Variants in IQSEC1 observed in about 807,000 individuals in gnomAD.
IQSEC1 encodes the protein IQ motif and Sec7 domain ArfGEF 1.
IQSEC1 carries 31 observed loss-of-function variants against 91.0 expected under a neutral mutation model. The observed-to-expected ratio is 0.34, with a 90% CI of 0.26 to 0.46. The LOEUF (loss-of-function observed/expected upper bound fraction) is 0.46, where lower values mean the gene tolerates loss of function less well. Ranked by LOEUF, IQSEC1 falls within the 20% of genes least tolerant of loss-of-function variation. The probability of loss-of-function intolerance (pLI) is 1.00; values close to 1 mark genes in which losing one functional copy is unlikely to be tolerated. For synonymous variants in IQSEC1, 699 were observed against 662.6 expected (o/e 1.05, Z -0.84); for missense variants, 1,388 against 1,575.6 (o/e 0.88, Z 2.02).
At chr3:12,936,750 C>A (rs897896761) in intron 2 of IQSEC1, 53 bp from the exon 3 acceptor site, 2 of 1,458,746 alleles carry the variant, frequency 1.4e-6, no homozygotes, top group African/African-American at 2.8e-5. Flanking sequence ...CACAGTGCGA[C>A]ATTTACCAAA....
chr3:13,058,165 C>G (rs1468526999), intron 1 of IQSEC1, among the ~76,000 whole-genome samples: 3 of 152,144 alleles, frequency 2.0e-5, no homozygotes, highest in Admixed American at 6.5e-5. Context: ...CCCAGCAACT[C>G]AGGAGGCTGA....
At chr3:13,133,741 C>T (rs1292433601) in intron 2 of IQSEC1, among the ~76,000 whole-genome samples, 1 of 152,250 alleles carries the variant, frequency 6.6e-6, no homozygotes, top group African/African-American at 2.4e-5. Context: ...ATGCTTTAAA[C>T]TCTCTCCCCA....
At chr3:13,240,489 A>G (rs972684405) in intron 1 of IQSEC1, among the ~76,000 whole-genome samples, 5 of 152,224 alleles carry the variant, frequency 3.3e-5, no homozygotes, top group Non-Finnish European at 5.9e-5. Context: ...GAGGAACCCA[A>G]CAGCAAGGGA....
At chr3:13,023,499 G>A (rs1473841685) in intron 1 of IQSEC1, among the ~76,000 whole-genome samples, 8 of 152,198 alleles carry the variant, frequency 5.3e-5, no homozygotes, top group African/African-American at 1.9e-4. Flanking sequence ...AGGGCCCTGG[G>A]CATCATGTAT....
intron 2 of IQSEC1, among the ~76,000 whole-genome samples, chr3:13,082,879 C>A (rs1705668527): frequency 6.6e-6 from 1 of 152,230 alleles, no homozygotes; most frequent in East Asian, 1.9e-4. Flanking sequence ...CTCCCAAGCT[C>A]TTCCCGGCCC....
intron 1 of IQSEC1, among the ~76,000 whole-genome samples, chr3:12,978,310 C>T (rs1420159633): frequency 1.3e-5 from 2 of 152,188 alleles, no homozygotes; most frequent in Admixed American, 6.5e-5. Context: ...AAAGTGGGGT[C>T]CTAGAAACAG....
At chr3:13,281,834 C>A (rs2125162315) in intron 1 of IQSEC1, among the ~76,000 whole-genome samples, 1 of 152,342 alleles carries the variant, frequency 6.6e-6, no homozygotes, top group East Asian at 1.9e-4. Context: ...CCCGGGTGAT[C>A]CCGAAGACAG....
intron 1 of IQSEC1, among the ~76,000 whole-genome samples, chr3:13,176,913 C>T (rs551916531): frequency 1.2e-4 from 18 of 152,326 alleles, no homozygotes; most frequent in Non-Finnish European, 2.2e-4. Flanking sequence ...AGTACTGATA[C>T]ATACAAACAT....
chr3:13,263,491 G>T (rs1294440352), intron 1 of IQSEC1, among the ~76,000 whole-genome samples: 1 of 142,840 alleles, frequency 7.0e-6, no homozygotes, highest in South Asian at 2.2e-4. Flanking sequence ...CACCCAGGCT[G>T]AAGTGCAATG....
At chr3:13,216,431 A>G (rs1694552121) in intron 1 of IQSEC1, among the ~76,000 whole-genome samples, 1 of 152,132 alleles carries the variant, frequency 6.6e-6, no homozygotes, top group South Asian at 2.1e-4. Context: ...GACGGCTTAC[A>G]GAGGGCAGGT....
At chr3:13,244,732 G>T (rs1695079803) in intron 1 of IQSEC1, among the ~76,000 whole-genome samples, 1 of 152,206 alleles carries the variant, frequency 6.6e-6, no homozygotes, top group Non-Finnish European at 1.5e-5. Context: ...GGACTGTCAA[G>T]GAGTGGGCAG....
At chr3:13,271,309 G>A (rs546546682) in intron 1 of IQSEC1, among the ~76,000 whole-genome samples, 3 of 152,056 alleles carry the variant, frequency 2.0e-5, no homozygotes, top group Non-Finnish European at 2.9e-5. Flanking sequence ...CCCAGGAGGC[G>A]GAGCTTGCAG....
rs532438763 is a variant in IQSEC1 at position 12,914,528 on chromosome 3, G to C, written c.2190+576C>G. ...TGAAGGAGAGAGGATGGGAGGGTTC[G>C]GGGAGCACTGGCTGGAGGTGGGAGG... is the stretch of plus-strand genomic sequence containing the variant. On this transcript the variant is annotated intron_variant, in intron 8 of 13. Transcript: ENST00000613206. 8.7e-4 allele frequency among the ~76,000 whole-genome samples: 133 copies of C among 152,300 alleles called. 1 individual carries two copies. The highest frequency in any genetic ancestry group is 3.1e-3 in the African/African-American group (127 of 41,574).
chr3:13,037,623 C>T (rs900679594), intron 1 of IQSEC1, among the ~76,000 whole-genome samples: 2 of 152,094 alleles, frequency 1.3e-5, no homozygotes, highest in Admixed American at 6.5e-5. Context: ...AGCGTCCATT[C>T]GTGGATGAAA....
At chr3:13,053,089 A>G (rs1400697595) in intron 1 of IQSEC1, 4 of 982,808 alleles carry the variant, frequency 4.1e-6, no homozygotes, top group Non-Finnish European at 4.9e-6. Context: ...TTGGCCAGGA[A>G]TCGCTTACTC....
chr3:13,254,537 G>A (rs1346518613), intron 1 of IQSEC1, among the ~76,000 whole-genome samples: 1 of 152,248 alleles, frequency 6.6e-6, no homozygotes, highest in Non-Finnish European at 1.5e-5. Context: ...CAAAAGGGCA[G>A]TAGGCAAGGT....
At chr3:13,004,261 A>G (rs1428769182) in intron 1 of IQSEC1, among the ~76,000 whole-genome samples, 3 of 152,226 alleles carry the variant, frequency 2.0e-5, no homozygotes, top group Non-Finnish European at 4.4e-5. Flanking sequence ...ATGTGTCTGT[A>G]TATGCCATAG....
intron 3 of IQSEC1, among the ~76,000 whole-genome samples, chr3:12,925,839 G>A (rs1697075605): frequency 6.6e-6 from 1 of 152,226 alleles, no homozygotes; most frequent in East Asian, 1.9e-4. Flanking sequence ...GCAGGCTGCA[G>A]GGACATGGCA....
At chr3:13,208,562 C>T (rs904695352) in intron 1 of IQSEC1, among the ~76,000 whole-genome samples, 1 of 152,192 alleles carries the variant, frequency 6.6e-6, no homozygotes, top group Non-Finnish European at 1.5e-5. Context: ...CTGCCTTGGT[C>T]CCCGATCCCA....
Sources: gnomAD v4.1 joint callset for allele counts (sites outside exome capture counted in the v4.1 genomes callset) on GRCh38, gnomAD v4.1.1 for gene constraint, MANE v1.5 for transcripts, NCBI Gene and HGNC (gene_info 2026-07-23, HGNC 2026-07-21) for gene names.